The following SEC22A variants were observed in gnomAD, a reference collection of about 807,000 sequenced individuals.
SEC22A encodes SEC22 homolog A, vesicle trafficking protein, also known as vesicle-trafficking protein SEC22a.
Under a neutral mutation model 35.3 loss-of-function variants are expected in SEC22A, and 22 were observed. The ratio of observed to expected loss-of-function variants is 0.62; its 90% CI spans 0.45 to 0.89. The LOEUF (loss-of-function observed/expected upper bound fraction) is 0.89, where lower values mean the gene tolerates loss of function less well. Among genes scored for constraint, SEC22A ranks in the 40% least tolerant of loss-of-function variants. The pLI, the probability that SEC22A is intolerant of heterozygous loss-of-function variation, is 0.00. For synonymous variants in SEC22A, 119 were observed against 129.5 expected, an observed-to-expected ratio of 0.92 and a Z score of 0.55; for missense variants, 354 against 362.5, an observed-to-expected ratio of 0.98 and a Z score of 0.19.
chr3:123,208,955 T>C (rs112433490), intron 1 of SEC22A: 69,147 of 356,636 alleles, frequency 0.19, 7,048 homozygotes, highest in Middle Eastern at 0.29. Context: ...CCACCACGCC[T>C]GGCTAATTTT....
At chr3:123,208,376 A>G (rs188248231) in intron 1 of SEC22A, 2 of 152,380 alleles carry the variant, frequency 1.3e-5, no homozygotes, top group Admixed American at 1.3e-4. Flanking sequence ...AGACAGGTAT[A>G]TATTTAAATT....
intron 2 of SEC22A, among the ~76,000 whole-genome samples, chr3:123,210,223 G>A (rs1479392341): frequency 1.3e-5 from 2 of 152,218 alleles, no homozygotes; most frequent in African/African-American, 4.8e-5. Flanking sequence ...TGGAAGCAGA[G>A]AGGTCAGATG....
chr3:123,260,168 A>C (rs1168829073), intron 6 of SEC22A, among the ~76,000 whole-genome samples: 1 of 123,160 alleles, frequency 8.1e-6, no homozygotes, highest in Non-Finnish European at 1.7e-5. Flanking sequence ...AAAAAAAAAA[A>C]ACTACTAGAT....
chr3:123,263,797 G>T (rs538566034), intron 6 of SEC22A, among the ~76,000 whole-genome samples: 1 of 152,104 alleles, frequency 6.6e-6, no homozygotes, highest in African/African-American at 2.4e-5. Context: ...AGCCAGATAG[G>T]CATTTTTTTA....
At chr3:123,207,769 G>C (rs1373740261) in intron 1 of SEC22A, among the ~76,000 whole-genome samples, 1 of 152,168 alleles carries the variant, frequency 6.6e-6, no homozygotes, top group Non-Finnish European at 1.5e-5. Flanking sequence ...CTGTTGACCT[G>C]AGTTCCTTCA....
At position 123,225,108 on chromosome 3, in the gene SEC22A, T is replaced by A; in HGVS notation, c.352T>A (p.Phe118Ile). The change falls in exon 4 of 7, where the codon TTC becomes ATC. Residue 118 changes from phenylalanine to isoleucine, a missense_variant. Physicochemically the swap from Phe to Ile is conservative, Grantham distance 21 (BLOSUM62 0). Coordinates refer to ENST00000492595, the MANE Select transcript of SEC22A (RefSeq NM_012430.5). ...TTATTTTTTATTTTACATAGATAAC[T>A]TCATTCAGAGGACCAAGCAGCGATA... ...RPYCFIEFDNFIQRTKQRYNN... is the reference protein window; with the variant it reads ...RPYCFIEFDNIIQRTKQRYNN... The A allele has an allele frequency of 6.3e-7, 1 of 1,593,362 alleles. No homozygotes were observed. Among genetic ancestry groups the A allele is most frequent in the Non-Finnish European group, 8.6e-7 (1 of 1,166,578 alleles).
intron 2 of SEC22A, among the ~76,000 whole-genome samples, chr3:123,215,352 G>A (rs1255775461): frequency 6.6e-6 from 1 of 152,158 alleles, no homozygotes; most frequent in Non-Finnish European, 1.5e-5. Flanking sequence ...GCTTACTTCA[G>A]TCCAACTGAG....
At chr3:123,259,921 T>G (rs956493506) in intron 6 of SEC22A, among the ~76,000 whole-genome samples, 1 of 151,808 alleles carries the variant, frequency 6.6e-6, no homozygotes, top group Non-Finnish European at 1.5e-5. Context: ...TCACTTGAGG[T>G]CAGGAGTTCA....
In SEC22A at chr3:123,209,205, T is replaced by C. The variant is rs183340041; in HGVS notation, c.-13T>C. 2.6e-4 allele frequency: 412 copies of C among 1,613,238 alleles called. 6 individuals carry two copies. In the East Asian group the frequency reaches 8.6e-3, roughly 34 times the overall value. On this transcript the variant is annotated 5_prime_UTR_variant, in exon 2 of 7. Coordinates refer to ENST00000492595, the MANE Select transcript of SEC22A (RefSeq NM_012430.5). ...ATTGTTCATTTTGTTTTAGGTCTTCTCTGTTGGTTGAAATGTCTATGATTT... is the reference window on the plus strand; with the variant it reads ...ATTGTTCATTTTGTTTTAGGTCTTCCCTGTTGGTTGAAATGTCTATGATTT...
intron 6 of SEC22A, among the ~76,000 whole-genome samples, chr3:123,261,968 T>A (rs1937903253): frequency 6.6e-6 from 1 of 152,194 alleles, no homozygotes. Context: ...AACAAATTCA[T>A]GCTTTAAAAA....
Position 123,209,852 on chromosome 3 carries a change from C to G in SEC22A, c.182+453C>G, listed in dbSNP as rs79892135. Among the ~76,000 whole-genome samples the G allele has an allele frequency of 5.8e-3, 880 of 152,224 alleles. 8 individuals carry two copies. Among genetic ancestry groups the G allele is most frequent in the African/African-American group, 0.02 (827 of 41,540 alleles). ...GACTATTTATTGTGGTCAAGACACT[C>G]TCTGAGAGGGTGACATTTGAGCAGA... On this transcript the variant is annotated intron_variant, in intron 2 of 6. Transcript: ENST00000492595.
intron 4 of SEC22A, among the ~76,000 whole-genome samples, chr3:123,236,533 G>A (rs1265624263): frequency 6.6e-6 from 1 of 152,158 alleles, no homozygotes; most frequent in Non-Finnish European, 1.5e-5. Flanking sequence ...CGTCTCTCCA[G>A]CTTTGGTTTA....
At chr3:123,229,182 A>C (rs1937268603) in intron 4 of SEC22A, among the ~76,000 whole-genome samples, 1 of 152,236 alleles carries the variant, frequency 6.6e-6, no homozygotes, top group African/African-American at 2.4e-5. Context: ...CAAATAGATG[A>C]ATCATAGTAA....
intron 4 of SEC22A, among the ~76,000 whole-genome samples, chr3:123,227,947 GA>G (rs62978760): frequency 6.5e-3 from 662 of 101,144 alleles, no homozygotes; most frequent in Non-Finnish European, 0.011. Context: ...AGCTCCATCA[GA>G]AAAAAAAAAA....
chr3:123,229,870 A>AAAT (rs1553710280), intron 4 of SEC22A, among the ~76,000 whole-genome samples: 10 of 151,196 alleles, frequency 6.6e-5, no homozygotes, highest in South Asian at 2.1e-4. Flanking sequence ...TCAAAAAAAA[A>AAAT]AAATAAATAA....
At chr3:123,249,949 A>T (rs1300842855) in intron 5 of SEC22A, among the ~76,000 whole-genome samples, 3 of 152,220 alleles carry the variant, frequency 2.0e-5, no homozygotes, top group African/African-American at 7.2e-5. Flanking sequence ...GTCTCCTAGC[A>T]TGTTTATTTA....
intron 4 of SEC22A, among the ~76,000 whole-genome samples, chr3:123,238,122 C>T (rs1937451579): frequency 6.6e-6 from 1 of 152,104 alleles, no homozygotes; most frequent in Non-Finnish European, 1.5e-5. Flanking sequence ...CCACTGTACT[C>T]CAGCCTGGGT....
chr3:123,270,893 A>G (rs1370542448), intron 6 of SEC22A, among the ~76,000 whole-genome samples: 3 of 152,144 alleles, frequency 2.0e-5, no homozygotes, highest in Admixed American at 1.3e-4. Flanking sequence ...TACATTTATA[A>G]TTCTTCCCCA....
intron 2 of SEC22A, among the ~76,000 whole-genome samples, chr3:123,218,045 A>G (rs1937064197): frequency 1.3e-5 from 2 of 152,248 alleles, no homozygotes; most frequent in Admixed American, 1.3e-4. Context: ...ATCAAATTAG[A>G]TACTAGAAAA....
Sources: gnomAD v4.1 joint callset for allele counts (sites outside exome capture counted in the v4.1 genomes callset) on GRCh38, gnomAD v4.1.1 for gene constraint, MANE v1.5 for transcripts, NCBI Gene and HGNC (gene_info 2026-07-23, HGNC 2026-07-21) for gene names.